AMBRA1: variants seen among roughly 807,000 people sequenced by gnomAD.
The protein encoded by AMBRA1 is activating molecule in BECN1-regulated autophagy protein 1.
In AMBRA1, 47 loss-of-function variants were observed where a neutral mutation model predicts 125.4. That is an observed-to-expected ratio of 0.37 (90% CI 0.30 to 0.48). The LOEUF (loss-of-function observed/expected upper bound fraction) is 0.48. Ranked by LOEUF, AMBRA1 falls within the 20% of genes least tolerant of loss-of-function variation. The pLI is 0.99. For synonymous variants in AMBRA1, 626 were observed against 655.5 expected (o/e 0.95, Z 0.69); for missense variants, 1,331 against 1,693.4 (o/e 0.79, Z 3.76).
intron 12 of AMBRA1, among the ~76,000 whole-genome samples, chr11:46,435,918 G>A (rs763359961): frequency 2.0e-5 from 3 of 152,210 alleles, no homozygotes; most frequent in Non-Finnish European, 2.9e-5. Flanking sequence ...GAGTCCCACC[G>A]TGTGATTCCC....
At chr11:46,451,425 A>G (rs1948591611) in intron 11 of AMBRA1, among the ~76,000 whole-genome samples, 2 of 151,956 alleles carry the variant, frequency 1.3e-5, no homozygotes, top group South Asian at 4.1e-4. Context: ...TCTCTCAGAA[A>G]CTCTTCTCTT....
At position 46,536,851 on chromosome 11, in the gene AMBRA1, C is replaced by T. The variant is rs573024619; in HGVS notation, c.2072+5094G>A. On this transcript the variant is annotated intron_variant, in intron 7 of 17. Coordinates refer to ENST00000683756, the MANE Select transcript of AMBRA1 (RefSeq NM_001387011.1). ...CTCTAACCTTGATGGCCACATTTCA[C>T]ACTAAGGCCGTCAATGTACTTCCCC... 3.2e-4 allele frequency among the ~76,000 whole-genome samples: 49 copies of T among 152,318 alleles called. 1 individual carries two copies. Among genetic ancestry groups the T allele is most frequent in the African/African-American group, 1.2e-3 (49 of 41,564 alleles).
At chr11:46,436,548 C>T (rs1425776209) in intron 12 of AMBRA1, among the ~76,000 whole-genome samples, 1 of 152,188 alleles carries the variant, frequency 6.6e-6, no homozygotes, top group Non-Finnish European at 1.5e-5. Flanking sequence ...ACTCCCAACC[C>T]ACCATCTGGT....
chr11:46,412,779 G>T (rs1395702705), intron 15 of AMBRA1, among the ~76,000 whole-genome samples: 1 of 152,190 alleles, frequency 6.6e-6, no homozygotes, highest in Non-Finnish European at 1.5e-5. Context: ...GCAAAGATGA[G>T]AAAAGGCTAC....
intron 15 of AMBRA1, among the ~76,000 whole-genome samples, chr11:46,414,707 G>C (rs756037275): frequency 5.3e-5 from 8 of 152,158 alleles, no homozygotes; most frequent in Non-Finnish European, 1.0e-4. Context: ...GAGTGCAGGT[G>C]GGGGAGCAGA....
In AMBRA1 at chr11:46,397,841, C is replaced by G; in HGVS notation, c.3506G>C (p.Ser1169Thr). 6.2e-7 allele frequency: 1 copy of G among 1,602,772 alleles called. No individual in the cohort carries two copies. Among genetic ancestry groups the G allele is most frequent in the Non-Finnish European group, 8.5e-7 (1 of 1,179,958 alleles). ...GCCGCCCATGGAGGCCATGGTGGTGCTCTGCTCCCGCTGCACCACGGCTGT... is the reference window on the plus strand; with the variant it reads ...GCCGCCCATGGAGGCCATGGTGGTGGTCTGCTCCCGCTGCACCACGGCTGT... ...GMTAVVQREQ[S>T]TTMASMGGFG... Residue 1169 changes from serine to threonine, a missense_variant, in exon 18 of 18, where the codon AGC (serine) becomes ACC (threonine). Transcript: ENST00000683756.
At chr11:46,587,386 A>T (rs1001617617) in intron 1 of AMBRA1, among the ~76,000 whole-genome samples, 1 of 152,174 alleles carries the variant, frequency 6.6e-6, no homozygotes, top group Non-Finnish European at 1.5e-5. Context: ...CCACAAAAAA[A>T]AAGTAAAAAA....
chr11:46,477,470 C>T (rs949324887), intron 11 of AMBRA1, among the ~76,000 whole-genome samples: 1 of 147,600 alleles, frequency 6.8e-6, no homozygotes, highest in Non-Finnish European at 1.5e-5. Context: ...GAACTACATG[C>T]ACATGCTACC....
intron 11 of AMBRA1, among the ~76,000 whole-genome samples, chr11:46,459,533 A>G (rs2136826850): frequency 6.6e-6 from 1 of 152,254 alleles, no homozygotes; most frequent in Admixed American, 6.5e-5. Flanking sequence ...CAACATGGTG[A>G]AACCCCGTCT....
chr11:46,526,398 C>A (rs964421377), intron 7 of AMBRA1, among the ~76,000 whole-genome samples: 4 of 151,850 alleles, frequency 2.6e-5, no homozygotes, highest in Admixed American at 2.6e-4. Context: ...CAAGCTGTGC[C>A]AATTCTGGGC....
At chr11:46,568,422 C>T (rs1430303029) in intron 1 of AMBRA1, among the ~76,000 whole-genome samples, 3 of 151,906 alleles carry the variant, frequency 2.0e-5, no homozygotes, top group Admixed American at 1.3e-4. Flanking sequence ...CATGCCATTG[C>T]ACTCCAGCTT....
chr11:46,472,869 G>A (rs985657311), intron 11 of AMBRA1, among the ~76,000 whole-genome samples: 2 of 152,146 alleles, frequency 1.3e-5, no homozygotes, highest in East Asian at 3.9e-4. Context: ...CTCCACACAT[G>A]CTCCAGGAAA....
At chr11:46,449,778 AGGCCG>A (rs1462609600) in intron 11 of AMBRA1, among the ~76,000 whole-genome samples, 43 of 152,302 alleles carry the variant, frequency 2.8e-4, no homozygotes, top group African/African-American at 1.0e-3. Context: ...GACTTAATAT[AGGCCG>A]GGCGCAGTGG....
chr11:46,465,833 A>C (rs928728951), intron 11 of AMBRA1, among the ~76,000 whole-genome samples: 7 of 152,224 alleles, frequency 4.6e-5, no homozygotes, highest in African/African-American at 1.7e-4. Flanking sequence ...TTAAACATTC[A>C]CAGAAATTGT....
chr11:46,497,166 A>G (rs1950665169), intron 9 of AMBRA1, among the ~76,000 whole-genome samples: 1 of 152,054 alleles, frequency 6.6e-6, no homozygotes, highest in Non-Finnish European at 1.5e-5. Flanking sequence ...GGAAGGGGTT[A>G]AGATGATAAA....
chr11:46,500,305 G>A (rs1393189677), intron 9 of AMBRA1, among the ~76,000 whole-genome samples: 1 of 152,044 alleles, frequency 6.6e-6, no homozygotes, highest in African/African-American at 2.4e-5. Flanking sequence ...GACAAGAAAA[G>A]TAAGATGGCT....
intron 4 of AMBRA1, chr11:46,546,160 C>A: frequency 1.3e-5 from 2 of 156,240 alleles, no homozygotes; most frequent in Non-Finnish European, 2.8e-5. Context: ...CTCAGCCTCC[C>A]AAGTAGCTGG....
intron 1 of AMBRA1, among the ~76,000 whole-genome samples, chr11:46,570,572 C>A (rs1446090205): frequency 6.6e-6 from 1 of 152,100 alleles, no homozygotes; most frequent in Non-Finnish European, 1.5e-5. Flanking sequence ...AAAGTCTCCT[C>A]CCACTCCACT....
chr11:46,532,456 A>C (rs1303234193), intron 7 of AMBRA1, among the ~76,000 whole-genome samples: 1 of 152,148 alleles, frequency 6.6e-6, no homozygotes, highest in Non-Finnish European at 1.5e-5. Flanking sequence ...AGTTCTTTTG[A>C]GATGTTGTTT....
Sources: allele counts gnomAD v4.1 joint callset (sites outside exome capture counted in the v4.1 genomes callset), GRCh38; gene constraint gnomAD v4.1.1; transcripts MANE v1.5; gene names NCBI Gene and HGNC (gene_info 2026-07-23, HGNC 2026-07-21).